Variants in THSD7B observed in about 807,000 individuals in gnomAD.
THSD7B encodes the protein thrombospondin type-1 domain-containing protein 7B.
In THSD7B, 138 loss-of-function variants were observed where a neutral mutation model predicts 213.6. That is an observed-to-expected ratio of 0.65 (90% confidence interval 0.56 to 0.74). THSD7B has a LOEUF of 0.74. Ranked by LOEUF, THSD7B falls within the 30% of genes least tolerant of loss-of-function variation. The pLI, the probability that THSD7B is intolerant of heterozygous loss-of-function variation, is 0.00. For synonymous variants in THSD7B, 742 were observed against 687.0 expected (o/e 1.08, Z -1.25); for missense variants, 1,931 against 1,991.5 (o/e 0.97, Z 0.58).
intron 17 of THSD7B, among the ~76,000 whole-genome samples, chr2:137,581,554 T>A (rs961941775): frequency 6.6e-6 from 1 of 151,854 alleles, no homozygotes; most frequent in Non-Finnish European, 1.5e-5. Flanking sequence ...GAGGCTGCAG[T>A]GAGCTGAGAT....
At chr2:136,783,510 G>C (rs1410070445) in intron 1 of THSD7B, among the ~76,000 whole-genome samples, 4 of 152,148 alleles carry the variant, frequency 2.6e-5, no homozygotes, top group Non-Finnish European at 5.9e-5. Flanking sequence ...AGAGACCAAT[G>C]AAGGAGGTGA....
intron 15 of THSD7B, among the ~76,000 whole-genome samples, chr2:137,556,834 G>A (rs542358693): frequency 1.3e-5 from 2 of 152,256 alleles, no homozygotes; most frequent in African/African-American, 2.4e-5. Flanking sequence ...TCAAAAGAAA[G>A]GGATGGAGGA....
intron 4 of THSD7B, among the ~76,000 whole-genome samples, chr2:137,095,419 C>G (rs1688022698): frequency 6.6e-6 from 1 of 152,160 alleles, no homozygotes; most frequent in East Asian, 1.9e-4. Flanking sequence ...ATAGTAAATG[C>G]TCAGTAACCA....
intron 15 of THSD7B, among the ~76,000 whole-genome samples, chr2:137,518,168 G>A (rs188420694): frequency 5.9e-5 from 9 of 152,132 alleles, no homozygotes; most frequent in Admixed American, 2.0e-4. Context: ...CTGCCACCCT[G>A]CCTTCTCTTC....
rs1021750429 is a variant in THSD7B, at chr2:137,314,355, C to T, written c.2500+38329C>T. Among the ~76,000 whole-genome samples the T allele has an allele frequency of 5.3e-5, 8 of 152,312 alleles. No homozygotes were observed. In the East Asian group the frequency reaches 5.8e-4, roughly 11 times the overall value. ...GTTCTTGAGCCTTGGTTTTCAGCTC[C>T]GTCAGCTCCTTTAAGCACTTCTCTG... On this transcript the variant is annotated intron_variant, in intron 12 of 27. Transcript: ENST00000409968.
At chr2:137,372,169 A>T (rs1255768120) in intron 12 of THSD7B, among the ~76,000 whole-genome samples, 2 of 152,040 alleles carry the variant, frequency 1.3e-5, no homozygotes, top group Non-Finnish European at 2.9e-5. Context: ...AGAATTTTTC[A>T]GTGGTGGCCT....
intron 3 of THSD7B, among the ~76,000 whole-genome samples, chr2:137,071,967 A>G (rs1687499342): frequency 1.3e-5 from 2 of 152,192 alleles, no homozygotes; most frequent in South Asian, 4.1e-4. Context: ...ATTGGTCTAT[A>G]TCTCTGTTTT....
chr2:136,989,524 A>G (rs938496600), intron 2 of THSD7B, among the ~76,000 whole-genome samples: 9 of 152,238 alleles, frequency 5.9e-5, no homozygotes, highest in African/African-American at 1.7e-4. Context: ...GAAGTTGAGC[A>G]GATGCTGGCA....
intron 14 of THSD7B, among the ~76,000 whole-genome samples, chr2:137,449,049 A>T (rs1460546420): frequency 6.6e-6 from 1 of 152,182 alleles, no homozygotes; most frequent in African/African-American, 2.4e-5. Flanking sequence ...AGAGGTTTCA[A>T]AAAAGGAGTA....
At chr2:137,467,428 G>A (rs1273645428) in intron 15 of THSD7B, among the ~76,000 whole-genome samples, 1 of 152,096 alleles carries the variant, frequency 6.6e-6, no homozygotes, top group East Asian at 1.9e-4. Context: ...CTGGGGAAAG[G>A]AGATAGCCTG....
rs565230283 is a variant in THSD7B, at chr2:137,067,006, C to T, written c.950+9776C>T. ...ATCAAAGGTACTTTTTGGTACTTTA[C>T]GATGTTTTTGATTTCTGTCATTTTC... On this transcript the variant is annotated intron_variant, in intron 3 of 27. Coordinates refer to ENST00000409968, the MANE Select transcript of THSD7B (RefSeq NM_001316349.2). Among the ~76,000 whole-genome samples the T allele has an allele frequency of 8.0e-4, 122 of 152,160 alleles. 1 individual carries two copies. In the South Asian group the frequency reaches 9.7e-3, roughly 12 times the overall value.
chr2:137,363,082 TCA>T (rs1182045461), intron 12 of THSD7B, among the ~76,000 whole-genome samples: 2 of 152,136 alleles, frequency 1.3e-5, no homozygotes, highest in African/African-American at 4.8e-5. Context: ...ATTAAGAAAC[TCA>T]CTCAAAACTG....
chr2:137,288,655 G>A (rs577138489), intron 12 of THSD7B, among the ~76,000 whole-genome samples: 1 of 151,974 alleles, frequency 6.6e-6, no homozygotes, highest in South Asian at 2.1e-4. Context: ...TACTCAATGG[G>A]GTTTTAGGCC....
intron 3 of THSD7B, among the ~76,000 whole-genome samples, chr2:137,069,328 T>G (rs1687436905): frequency 6.6e-6 from 1 of 152,124 alleles, no homozygotes. Flanking sequence ...TTCACCTTGT[T>G]TCCTTTTTAT....
chr2:137,604,251 A>C (rs1573738139), intron 17 of THSD7B, among the ~76,000 whole-genome samples: 1 of 152,336 alleles, frequency 6.6e-6, no homozygotes, highest in African/African-American at 2.4e-5. Context: ...CAACTTTTTA[A>C]ATAGTGAAAA....
intron 14 of THSD7B, among the ~76,000 whole-genome samples, chr2:137,450,026 T>C (rs1687616709): frequency 6.6e-6 from 1 of 152,278 alleles, no homozygotes; most frequent in East Asian, 1.9e-4. Context: ...AAGAGAAGTA[T>C]AATTTTTTAG....
intron 9 of THSD7B, among the ~76,000 whole-genome samples, chr2:137,239,875 T>A (rs1254335777): frequency 6.6e-6 from 1 of 152,180 alleles, no homozygotes. Flanking sequence ...GACCTCATGG[T>A]TGAATTCCAG....
chr2:136,885,120 T>C (rs1333876787), intron 2 of THSD7B, among the ~76,000 whole-genome samples: 1 of 152,204 alleles, frequency 6.6e-6, no homozygotes, highest in Non-Finnish European at 1.5e-5. Context: ...CAGTGTAATT[T>C]GGAATTTGAA....
intron 4 of THSD7B, among the ~76,000 whole-genome samples, chr2:137,113,163 T>G (rs1402992592): frequency 6.6e-6 from 1 of 152,146 alleles, no homozygotes; most frequent in East Asian, 1.9e-4. Context: ...AATGAGATCT[T>G]GGTAATCATC....
Sources: gnomAD v4.1 joint callset for allele counts (sites outside exome capture counted in the v4.1 genomes callset) on GRCh38, gnomAD v4.1.1 for gene constraint, MANE v1.5 for transcripts, NCBI Gene and HGNC (gene_info 2026-07-23, HGNC 2026-07-21) for gene names.